VPS13D: variants seen among roughly 807,000 people sequenced by gnomAD.
VPS13D encodes intermembrane lipid transfer protein VPS13D.
Under a neutral mutation model 461.9 loss-of-function variants are expected in VPS13D, and 187 were observed. The ratio of observed to expected loss-of-function variants is 0.40; its 90% CI spans 0.36 to 0.46. The LOEUF (loss-of-function observed/expected upper bound fraction) is 0.46. Ranked by LOEUF, VPS13D falls within the 20% of genes least tolerant of loss-of-function variation. VPS13D has a pLI of 0.60. For missense variants in VPS13D, 4,711 were observed against 5,364.9 expected, an observed-to-expected ratio of 0.88 and a Z score of 3.81; for synonymous variants, 1,951 against 1,986.3, an observed-to-expected ratio of 0.98 and a Z score of 0.47.
At chr1:12,294,306 T>C (rs1642214623) in intron 24 of VPS13D, among the ~76,000 whole-genome samples, 1 of 152,250 alleles carries the variant, frequency 6.6e-6, no homozygotes, top group Admixed American at 6.5e-5. Context: ...TTCTCAAACT[T>C]GGAATCAGGT....
At chr1:12,416,064 A>G (rs185124813) in intron 64 of VPS13D, among the ~76,000 whole-genome samples, 42 of 152,346 alleles carry the variant, frequency 2.8e-4, no homozygotes, top group Non-Finnish European at 2.9e-5. Context: ...TCTTGCCTGT[A>G]GTCCCAGCTA....
chr1:12,451,756 A>C (rs566913061), intron 65 of VPS13D, among the ~76,000 whole-genome samples: 1 of 152,248 alleles, frequency 6.6e-6, no homozygotes, highest in Non-Finnish European at 1.5e-5. Context: ...GCCATGCCAG[A>C]TGCTTTACGT....
intron 33 of VPS13D, 39 bp from the exon 34 acceptor site, chr1:12,322,497 C>A: frequency 6.3e-7 from 1 of 1,596,712 alleles, no homozygotes; most frequent in Non-Finnish European, 8.6e-7. Flanking sequence ...AAAACCAATG[C>A]AGCTTTAAAA....
At chr1:12,500,742 T>G (rs1370666017) in intron 68 of VPS13D, among the ~76,000 whole-genome samples, 1 of 151,526 alleles carries the variant, frequency 6.6e-6, no homozygotes, top group Admixed American at 6.6e-5. Context: ...TTTGTAGAGA[T>G]GAGGTCTCGC....
At chr1:12,305,810 G>A (rs1297527737) in intron 26 of VPS13D, among the ~76,000 whole-genome samples, 1 of 152,154 alleles carries the variant, frequency 6.6e-6, no homozygotes, top group Non-Finnish European at 1.5e-5. Flanking sequence ...TATAGTCCTA[G>A]AGGTGACAGG....
chr1:12,268,578 G>A (rs939913388), intron 15 of VPS13D, 128 bp from the exon 16 acceptor site: 12 of 1,054,078 alleles, frequency 1.1e-5, no homozygotes, highest in Middle Eastern at 5.7e-4. Context: ...TTTAAAGATA[G>A]GCATAAATGT....
chr1:12,494,361 G>A (rs1645927436), intron 67 of VPS13D, among the ~76,000 whole-genome samples: 1 of 152,168 alleles, frequency 6.6e-6, no homozygotes, highest in Non-Finnish European at 1.5e-5. Flanking sequence ...TGGGAGTGGG[G>A]GTGAGGTTGG....
intron 65 of VPS13D, among the ~76,000 whole-genome samples, chr1:12,442,121 C>T (rs573355726): frequency 1.3e-5 from 2 of 152,058 alleles, no homozygotes; most frequent in African/African-American, 2.4e-5. Context: ...AAGCTGTGTC[C>T]TTAAACTTTT....
intron 53 of VPS13D, 38 bp from the exon 54 acceptor site, chr1:12,369,429 A>G: frequency 6.3e-7 from 1 of 1,599,220 alleles, no homozygotes; most frequent in Non-Finnish European, 8.6e-7. Context: ...CCCCACTCTG[A>G]ATGAAAGTCC....
At chr1:12,271,507 A>G (rs1273200337) in intron 17 of VPS13D, among the ~76,000 whole-genome samples, 1 of 151,850 alleles carries the variant, frequency 6.6e-6, no homozygotes, top group Non-Finnish European at 1.5e-5. Context: ...CATCTCTACT[A>G]AAAATACAAG....
Position 12,507,157 on chromosome 1 carries a change from G to A in VPS13D, c.13035+64G>A, listed in dbSNP as rs1646121346. On this transcript the variant is annotated intron_variant, in intron 69 of 69. Transcript: ENST00000620676. This position sits in a 1 kb window ranked among gnomAD's most constrained non-coding sequence, Gnocchi z 5.3. Reference sequence around the variant, plus strand: ...GCCAGGGCCTCGATGCCTCTGCCCTGCTTCCCCGTCCTCAGCAGGAGCTCA... The same window carrying A: ...GCCAGGGCCTCGATGCCTCTGCCCTACTTCCCCGTCCTCAGCAGGAGCTCA... 2 of 1,609,880 alleles carry A rather than the reference G, an allele frequency of 1.2e-6. No homozygotes were observed. Among genetic ancestry groups the A allele is most frequent in the Non-Finnish European group, 1.7e-6 (2 of 1,177,866 alleles).
At chr1:12,477,455 C>T (rs1291974192) in intron 67 of VPS13D, among the ~76,000 whole-genome samples, 1 of 152,194 alleles carries the variant, frequency 6.6e-6, no homozygotes, top group Non-Finnish European at 1.5e-5. Context: ...GGATTCACCT[C>T]CGCGATGACC....
chr1:12,497,656 C>T lies in VPS13D; in HGVS notation c.12794+25C>T, dbSNP rs763130776. The stretch of plus-strand genomic sequence containing the variant: ...TGTAAGTTAGAGCATGGGAAACCAG[C>T]CCTGTGGGTCTACTGAGTTGCCTCT... On this transcript the variant is annotated intron_variant, in intron 68 of 69. Transcript: ENST00000620676. The T allele has an allele frequency of 5.0e-6, 8 of 1,602,534 alleles. No individual in the cohort carries two copies. In the African/African-American group the frequency reaches 5.3e-5, roughly 11 times the overall value.
chr1:12,283,472 C>A lies in VPS13D; in HGVS notation c.5370C>A (p.Phe1790Leu). Residue 1790 changes from phenylalanine (F) to leucine (L), a missense_variant, in exon 21 of 70, where the codon TTC becomes TTA. By Grantham distance (22) the Phe-to-Leu change is conservative. Around this residue, in one of 3 missense-constraint regions of VPS13D, gnomAD observed 4,411 missense variants for 4,937.8 expected, o/e 0.89. Transcript: ENST00000620676. ...FDDSLVHINI[F>L]LVDKKHPEFS... ...ATTCCTTAGTCCACATCAACATATT[C>A]TTGGTAGATAAGAAACATCCAGAAT... 1.9e-6 allele frequency: 3 copies of A among 1,614,228 alleles called. No homozygotes were observed. Among genetic ancestry groups the A allele is most frequent in the Non-Finnish European group, 8.5e-7 (1 of 1,180,022 alleles).
intron 65 of VPS13D, among the ~76,000 whole-genome samples, chr1:12,422,872 G>T (rs986194911): frequency 5.4e-5 from 8 of 148,978 alleles, no homozygotes; most frequent in African/African-American, 2.0e-4. Context: ...TTTTCTTACA[G>T]GATGTTTTTC....
At chr1:12,263,984 T>C (rs1014236309) in intron 13 of VPS13D, among the ~76,000 whole-genome samples, 2 of 152,272 alleles carry the variant, frequency 1.3e-5, no homozygotes, top group Non-Finnish European at 2.9e-5. Context: ...TCCAACAGCA[T>C]GTGCTCACTT....
intron 27 of VPS13D, 31 bp downstream of exon 27, chr1:12,308,672 G>T: frequency 6.3e-7 from 1 of 1,595,976 alleles, no homozygotes; most frequent in Non-Finnish European, 8.6e-7. Context: ...TTGAGATGGA[G>T]TCTCGCTCTG....
intron 2 of VPS13D, 113 bp from the exon 3 acceptor site, chr1:12,242,400 C>T (rs1290010256): frequency 2.7e-5 from 24 of 892,924 alleles, no homozygotes; most frequent in Non-Finnish European, 3.9e-5. Flanking sequence ...CTTCACATGA[C>T]GTAGCCTATT....
intron 65 of VPS13D, among the ~76,000 whole-genome samples, chr1:12,420,738 CT>C (rs1278301028): frequency 6.6e-6 from 1 of 152,102 alleles, no homozygotes; most frequent in African/African-American, 2.4e-5. Context: ...GTATTTCTAC[CT>C]TTAAATAATC....
Sources: allele counts gnomAD v4.1 joint callset (sites outside exome capture counted in the v4.1 genomes callset), GRCh38; gene constraint gnomAD v4.1.1; regional missense constraint gnomAD v4.1.1; non-coding constraint Gnocchi (gnomAD v3.1); transcripts MANE v1.5; gene names NCBI Gene and HGNC (gene_info 2026-07-23, HGNC 2026-07-21).